Variants in NRXN3 observed in about 807,000 individuals in gnomAD.
NRXN3 encodes the protein neurexin III.
NRXN3 carries 32 observed loss-of-function variants against 137.6 expected under a neutral mutation model. That is an observed-to-expected ratio of 0.23 (90% CI 0.18 to 0.31). NRXN3 has a LOEUF of 0.31. Among genes scored for constraint, NRXN3 ranks in the 10% least tolerant of loss-of-function variants. The pLI is 1.00. For synonymous variants in NRXN3, 798 were observed against 784.5 expected (o/e 1.02, Z -0.29); for missense variants, 1,574 against 2,062.5 (o/e 0.76, Z 4.59).
At chr14:78,994,007 C>T in intron 15 of NRXN3, among the ~76,000 whole-genome samples, 1 of 151,590 alleles carries the variant, frequency 6.6e-6, no homozygotes, top group East Asian at 1.9e-4. Context: ...GTGCCACACA[C>T]CACGTCCAGC....
intron 4 of NRXN3, among the ~76,000 whole-genome samples, chr14:78,542,739 T>A (rs1419232415): frequency 6.6e-6 from 1 of 152,146 alleles, no homozygotes; most frequent in African/African-American, 2.4e-5. Context: ...GTACCTCAGT[T>A]GGAAATGCAG....
chr14:78,411,592 T>C (rs2092829615), intron 4 of NRXN3, among the ~76,000 whole-genome samples: 4 of 152,244 alleles, frequency 2.6e-5, no homozygotes, highest in Admixed American at 2.6e-4. Context: ...GTGCCCACTC[T>C]GTGGGATTTT....
At chr14:78,582,132 G>A (rs2097005630) in intron 4 of NRXN3, among the ~76,000 whole-genome samples, 1 of 152,226 alleles carries the variant, frequency 6.6e-6, no homozygotes, top group African/African-American at 2.4e-5. Flanking sequence ...TGAGCTCATG[G>A]TTTCCTGCAG....
At chr14:78,589,328 G>T (rs1248561442) in intron 4 of NRXN3, among the ~76,000 whole-genome samples, 1 of 152,150 alleles carries the variant, frequency 6.6e-6, no homozygotes, top group Non-Finnish European at 1.5e-5. Flanking sequence ...CCTTCTCTCT[G>T]CAGGAGAGGA....
intron 15 of NRXN3, among the ~76,000 whole-genome samples, chr14:79,443,906 ATATATGGCAGTGG>A: frequency 6.6e-6 from 1 of 152,312 alleles, no homozygotes; most frequent in South Asian, 2.1e-4. Context: ...AAGGATTAAC[ATATATGGCAGTGG>A]AGTGTTTTAT....
At chr14:78,513,112 A>C (rs2096139479) in intron 4 of NRXN3, among the ~76,000 whole-genome samples, 1 of 152,176 alleles carries the variant, frequency 6.6e-6, no homozygotes, top group African/African-American at 2.4e-5. Flanking sequence ...TCTGATGAGG[A>C]AGGCAACTTG....
intron 16 of NRXN3, among the ~76,000 whole-genome samples, chr14:79,500,633 G>T (rs2096816832): frequency 6.6e-6 from 1 of 152,106 alleles, no homozygotes. Flanking sequence ...GTCTTAGTAT[G>T]CTGCATGTAT....
intron 4 of NRXN3, among the ~76,000 whole-genome samples, chr14:78,367,180 A>G (rs973443751): frequency 1.3e-5 from 2 of 152,180 alleles, no homozygotes; most frequent in African/African-American, 4.8e-5. Flanking sequence ...CTTCTGGGCA[A>G]TTGGTGGAAC....
intron 15 of NRXN3, among the ~76,000 whole-genome samples, chr14:79,179,893 C>A (rs936862797): frequency 1.3e-5 from 2 of 152,128 alleles, no homozygotes; most frequent in African/African-American, 4.8e-5. Flanking sequence ...TTTTTCCAAG[C>A]ACCCAGCCAC....
intron 4 of NRXN3, among the ~76,000 whole-genome samples, chr14:78,411,597 G>A (rs1336409987): frequency 2.0e-5 from 3 of 152,186 alleles, no homozygotes; most frequent in African/African-American, 7.2e-5. Context: ...CACTCTGTGG[G>A]ATTTTGCAAT....
At chr14:79,461,072 G>T (rs1600643386) in intron 15 of NRXN3, among the ~76,000 whole-genome samples, 1 of 152,086 alleles carries the variant, frequency 6.6e-6, no homozygotes, top group South Asian at 2.1e-4. Flanking sequence ...ACTCCCTAGT[G>T]GCTCCCTCTG....
At chr14:78,461,263 T>C (rs1313283889) in intron 4 of NRXN3, among the ~76,000 whole-genome samples, 1 of 152,182 alleles carries the variant, frequency 6.6e-6, no homozygotes, top group African/African-American at 2.4e-5. Context: ...TACTAGAGAA[T>C]TGCATATTGT....
intron 4 of NRXN3, among the ~76,000 whole-genome samples, chr14:78,302,018 T>C (rs2076921031): frequency 6.6e-6 from 1 of 152,214 alleles, no homozygotes; most frequent in Admixed American, 6.5e-5. Flanking sequence ...GGGCTACATC[T>C]GGCTGTATCT....
chr14:78,845,252 A>G (rs968189389), intron 10 of NRXN3, among the ~76,000 whole-genome samples: 1 of 152,130 alleles, frequency 6.6e-6, no homozygotes, highest in African/African-American at 2.4e-5. Context: ...TTCAAATATG[A>G]TAGCCAACTT....
At chr14:79,828,160 C>T (rs1161494120) in intron 20 of NRXN3, among the ~76,000 whole-genome samples, 1 of 152,168 alleles carries the variant, frequency 6.6e-6, no homozygotes, top group Non-Finnish European at 1.5e-5. Context: ...CAAACTATAT[C>T]AGGAATTAAG....
chr14:79,412,355 G>T (rs1243380564), intron 15 of NRXN3, among the ~76,000 whole-genome samples: 2 of 152,190 alleles, frequency 1.3e-5, no homozygotes, highest in Non-Finnish European at 1.5e-5. Flanking sequence ...AGAATTTGAG[G>T]CTCTATCTAT....
chr14:79,411,342 T>C (rs949560911), intron 15 of NRXN3, among the ~76,000 whole-genome samples: 5 of 152,178 alleles, frequency 3.3e-5, no homozygotes, highest in African/African-American at 1.2e-4. Context: ...TGTTGAATCA[T>C]GTGCTGTCTA....
In NRXN3 at chr14:78,654,189, T is replaced by C. The variant is rs138538545; in HGVS notation, c.1221+2863T>C. ...CTTCTCTTGTTCTTGGTATTTGTTT[T>C]TGATAAATCAGTAAACAGCAAAGGC... On this transcript the variant is annotated intron_variant, in intron 6 of 20. Coordinates refer to ENST00000335750, the MANE Select transcript of NRXN3 (RefSeq NM_001330195.2). Among the ~76,000 whole-genome samples the C allele has an allele frequency of 2.2e-3, 332 of 152,350 alleles. 1 individual carries two copies. The highest frequency in any genetic ancestry group is 7.9e-3 in the African/African-American group (327 of 41,590).
chr14:78,786,454 C>G (rs7494091), intron 8 of NRXN3, among the ~76,000 whole-genome samples: 1 of 152,094 alleles, frequency 6.6e-6, no homozygotes, highest in African/African-American at 2.4e-5. Context: ...GTTTTTTAAC[C>G]TAGGTAACTC....
Sources: allele counts gnomAD v4.1 joint callset (sites outside exome capture counted in the v4.1 genomes callset), GRCh38; gene constraint gnomAD v4.1.1; transcripts MANE v1.5; gene names NCBI Gene and HGNC (gene_info 2026-07-23, HGNC 2026-07-21).